Variants in PPP1R12B observed in about 807,000 individuals in gnomAD.
PPP1R12B encodes the protein myosin phosphatase target subunit 2.
In PPP1R12B, 76 loss-of-function variants were observed where a neutral mutation model predicts 126.1. That is an observed-to-expected ratio of 0.60 (90% CI 0.50 to 0.73). PPP1R12B has a LOEUF of 0.73. PPP1R12B is among the 30% of genes least tolerant of loss of function. PPP1R12B has a pLI of 0.00. For synonymous variants in PPP1R12B, 356 were observed against 434.7 expected, an observed-to-expected ratio of 0.82 and a Z score of 2.25; for missense variants, 1,052 against 1,205.1, an observed-to-expected ratio of 0.87 and a Z score of 1.88.
chr1:202,524,927 G>A (rs1454905295), intron 18 of PPP1R12B, among the ~76,000 whole-genome samples: 1 of 152,108 alleles, frequency 6.6e-6, no homozygotes, highest in Non-Finnish European at 1.5e-5. Context: ...ACCCAGGTTG[G>A]AGTGCGGTGA....
At chr1:202,473,959 C>T (rs747980782) in intron 13 of PPP1R12B, 1 of 532,588 alleles carries the variant, frequency 1.9e-6, no homozygotes, top group South Asian at 1.4e-5. Flanking sequence ...GAGGTAACAG[C>T]CTGTTTTCTT....
At chr1:202,533,463 G>T (rs542139945) in intron 18 of PPP1R12B, among the ~76,000 whole-genome samples, 4 of 151,950 alleles carry the variant, frequency 2.6e-5, no homozygotes, top group South Asian at 2.1e-4. Context: ...CTAATTTTGG[G>T]TTTTTTTGTT....
In PPP1R12B at chr1:202,421,293, ATC is replaced by A. The variant is rs76517346; in HGVS notation, c.423-1319_423-1318del. On this transcript the variant is annotated intron_variant, in intron 2 of 23. Coordinates refer to ENST00000608999, the MANE Select transcript of PPP1R12B (RefSeq NM_002481.4). ...ATGCAGTGGCCAGTGGCCATATATT[ATC>A]TCTCTCTTTTTTTTTTTTTTTTTTT... Among the ~76,000 whole-genome samples, 23 of 147,340 alleles carry A rather than the reference ATC, an allele frequency of 1.6e-4. No individual in the cohort carries two copies. The East Asian group carries it at 4.3e-3, about 28-fold the overall frequency.
chr1:202,452,375 C>G (rs1178512614), intron 13 of PPP1R12B, among the ~76,000 whole-genome samples: 1 of 152,342 alleles, frequency 6.6e-6, no homozygotes, highest in African/African-American at 2.4e-5. Context: ...CAGCGAAACC[C>G]CGTCTCCACC....
At chr1:202,371,978 T>G (rs943239267) in intron 1 of PPP1R12B, among the ~76,000 whole-genome samples, 1 of 150,558 alleles carries the variant, frequency 6.6e-6, no homozygotes, top group Non-Finnish European at 1.5e-5. Context: ...TTCAAGTGAT[T>G]CTCCTGCCTC....
chr1:202,417,572 G>A (rs1044502155), intron 2 of PPP1R12B, among the ~76,000 whole-genome samples: 38 of 152,306 alleles, frequency 2.5e-4, no homozygotes, highest in Non-Finnish European at 5.4e-4. Flanking sequence ...GTTGTGTGAA[G>A]GAATGATTGG....
Position 202,350,793 on chromosome 1 carries a change from G to T in PPP1R12B, c.291+1651G>T, listed in dbSNP as rs930797421. The stretch of plus-strand genomic sequence containing the variant: ...CTGCCACCACGCCTAGATAATATTT[G>T]TATTTTTAGTAGAGATGGGCTTTCA... On this transcript the variant is annotated intron_variant, in intron 1 of 23. Transcript: ENST00000608999. Among the ~76,000 whole-genome samples the T allele has an allele frequency of 2.6e-5, 4 of 151,944 alleles. No homozygotes were observed. The East Asian group carries it at 7.8e-4, about 29-fold the overall frequency.
chr1:202,442,165 G>A (rs572752380), intron 11 of PPP1R12B, among the ~76,000 whole-genome samples: 93 of 152,248 alleles, frequency 6.1e-4, no homozygotes, highest in African/African-American at 2.1e-3. Flanking sequence ...CACTTTTTAA[G>A]TGAGGATCAA....
Position 202,565,242 on chromosome 1 carries a change from C to A in PPP1R12B, c.2757+695C>A, listed in dbSNP as rs943889062. On this transcript the variant is annotated intron_variant, in intron 21 of 23. Transcript: ENST00000608999. The surrounding 1 kb of genome is among the most constrained non-coding windows in gnomAD (Gnocchi z 4.3). ...GTGAAACAAACTCCGCAGCTGAAAG[C>A]TAAAGCAAGCACTGCTTTTGGTTAT... 1.3e-5 allele frequency among the ~76,000 whole-genome samples: 2 copies of A among 152,210 alleles called. No homozygotes were observed. The highest frequency in any genetic ancestry group is 2.9e-5 in the Non-Finnish European group (2 of 68,038).
chr1:202,562,160 G>T (rs1404254966), intron 19 of PPP1R12B, among the ~76,000 whole-genome samples: 1 of 152,202 alleles, frequency 6.6e-6, no homozygotes, highest in East Asian at 1.9e-4. Flanking sequence ...GAGCTCAGTT[G>T]CTAAAATATG....
intron 1 of PPP1R12B, among the ~76,000 whole-genome samples, chr1:202,397,096 C>T (rs1270615760): frequency 6.6e-6 from 1 of 152,154 alleles, no homozygotes; most frequent in Non-Finnish European, 1.5e-5. Context: ...ATCACTCTGT[C>T]TCTTTCCTCC....
intron 1 of PPP1R12B, among the ~76,000 whole-genome samples, chr1:202,415,063 G>A (rs1289918895): frequency 6.6e-6 from 1 of 152,152 alleles, no homozygotes; most frequent in Non-Finnish European, 1.5e-5. Flanking sequence ...ACAGGCATAA[G>A]TTACCATGCC....
chr1:202,556,073 G>GT, intron 18 of PPP1R12B, among the ~76,000 whole-genome samples: 1 of 151,968 alleles, frequency 6.6e-6, no homozygotes, highest in Non-Finnish European at 1.5e-5. Context: ...ATGGGGTTTT[G>GT]CCACGTTGGC....
rs1374224394 is a variant in PPP1R12B at position 202,581,352 on chromosome 1, CATT to C, written c.*796_*798del. ...GTTGTCTTTGGCCATTGTGGGAAGT[CATT>C]ATTCTGGAGACAAGAAAATCATCAC... is the stretch of plus-strand genomic sequence containing the variant. On this transcript the variant is annotated 3_prime_UTR_variant, in exon 24 of 24. Transcript: ENST00000608999. 1 of 152,438 alleles carries C rather than the reference CATT, an allele frequency of 6.6e-6. No homozygotes were observed. The highest frequency in any genetic ancestry group is 1.5e-5 in the Non-Finnish European group (1 of 68,044). The allele number at this position is 152,438 out of a possible 1,614,324, so 9.4% of individuals were successfully genotyped here.
chr1:202,349,573 A>G (rs1389203580), intron 1 of PPP1R12B, among the ~76,000 whole-genome samples: 2 of 152,146 alleles, frequency 1.3e-5, no homozygotes, highest in East Asian at 3.9e-4. Flanking sequence ...TATATCACTT[A>G]AAGAGTAAAG....
At chr1:202,579,297 T>C (rs1193631394) in intron 23 of PPP1R12B, among the ~76,000 whole-genome samples, 1 of 152,214 alleles carries the variant, frequency 6.6e-6, no homozygotes, top group African/African-American at 2.4e-5. Flanking sequence ...GAGCTAGAAC[T>C]AAATAGGCCT....
intron 18 of PPP1R12B, among the ~76,000 whole-genome samples, chr1:202,503,196 A>G (rs921213261): frequency 6.6e-6 from 1 of 152,200 alleles, no homozygotes; most frequent in African/African-American, 2.4e-5. Flanking sequence ...TGTCATATTC[A>G]GGATATATTT....
chr1:202,462,390 G>A (rs1674424045), intron 13 of PPP1R12B, among the ~76,000 whole-genome samples: 1 of 152,090 alleles, frequency 6.6e-6, no homozygotes, highest in African/African-American at 2.4e-5. Context: ...CATTTGTCAT[G>A]CGTTTCTCAG....
chr1:202,438,534 G>T, intron 10 of PPP1R12B: 3 of 414,960 alleles, frequency 7.2e-6, no homozygotes, highest in South Asian at 6.0e-5. Flanking sequence ...AGCTGCCCCC[G>T]CTGGGCATGG....
Sources: allele counts gnomAD v4.1 joint callset (sites outside exome capture counted in the v4.1 genomes callset), GRCh38; gene constraint gnomAD v4.1.1; non-coding constraint Gnocchi (gnomAD v3.1); transcripts MANE v1.5; gene names NCBI Gene and HGNC (gene_info 2026-07-23, HGNC 2026-07-21).